The following ZFYVE16 variants were observed in gnomAD, a reference collection of about 807,000 sequenced individuals.
ZFYVE16 encodes the protein zinc finger FYVE domain-containing protein 16.
In ZFYVE16, 89 loss-of-function variants were observed where a neutral mutation model predicts 138.1. The observed-to-expected ratio is 0.64, with a 90% CI of 0.54 to 0.77. ZFYVE16 has a LOEUF of 0.77. Ranked by LOEUF, ZFYVE16 falls within the 30% of genes least tolerant of loss-of-function variation. ZFYVE16 has a pLI of 0.00. For missense variants in ZFYVE16, 1,793 were observed against 1,786.7 expected (o/e 1.00, Z -0.06); for synonymous variants, 596 against 618.3 (o/e 0.96, Z 0.53).
Position 80,477,158 on chromosome 5 carries a change from T to G in ZFYVE16, c.4462-61T>G, listed in dbSNP as rs1001931168. 16 of 1,345,206 alleles carry G rather than the reference T, an allele frequency of 1.2e-5. No homozygotes were observed. The African/African-American group carries it at 2.1e-4, about 17-fold the overall frequency. 83.3% of individuals were successfully genotyped at this position (1,345,206 alleles called of 1,614,324 possible). On this transcript the variant is annotated intron_variant, in intron 18 of 18. Transcript: ENST00000505560. ...TTTAAAATATTTCACTTATTTTATA[T>G]TCACATTCCGAGTTAAACAAGATTG...
rs1235506230 is a variant in ZFYVE16, at chr5:80,482,977, G to C, written c.*5600G>C. On this transcript the variant is annotated 3_prime_UTR_variant, in exon 19 of 19. Coordinates refer to ENST00000505560, the MANE Select transcript of ZFYVE16 (RefSeq NM_001284236.3). The stretch of plus-strand genomic sequence containing the variant: ...GCCTCCCGGTTCAAGCAGTTCTCCT[G>C]TCTGAGCCTCCAGAGGAGTAGCTGG... 2 of 151,882 alleles carry C rather than the reference G, an allele frequency of 1.3e-5. No individual in the cohort carries two copies. Among genetic ancestry groups the C allele is most frequent in the Admixed American group, 6.6e-5 (1 of 15,234 alleles). The allele number at this position is 151,882 out of a possible 1,614,324, so 9.4% of individuals were successfully genotyped here.
intron 15 of ZFYVE16, among the ~76,000 whole-genome samples, chr5:80,467,743 C>G (rs1197836730): frequency 6.6e-6 from 1 of 152,130 alleles, no homozygotes; most frequent in Non-Finnish European, 1.5e-5. Flanking sequence ...AAAATGTGGT[C>G]TATACCTGAA....
At chr5:80,408,274 G>A (rs1200827098) in intron 1 of ZFYVE16, 121 bp downstream of exon 1, 1 of 152,418 alleles carries the variant, frequency 6.6e-6, no homozygotes, top group Non-Finnish European at 1.5e-5. Flanking sequence ...TTCCTCTGGG[G>A]ACAGAGCCTG....
chr5:80,447,393 A>G (rs984743509), intron 7 of ZFYVE16, among the ~76,000 whole-genome samples: 1 of 152,160 alleles, frequency 6.6e-6, no homozygotes, highest in Non-Finnish European at 1.5e-5. Context: ...AAATAGCCGT[A>G]ATTACCATGG....
chr5:80,420,419 A>G (rs942886712), intron 1 of ZFYVE16, among the ~76,000 whole-genome samples: 1 of 152,070 alleles, frequency 6.6e-6, no homozygotes, highest in Non-Finnish European at 1.5e-5. Flanking sequence ...TACATTAGGT[A>G]TATCTCCTAA....
chr5:80,435,920 A>C (rs1749842579), intron 3 of ZFYVE16: 1 of 193,390 alleles, frequency 5.2e-6, no homozygotes, highest in Non-Finnish European at 1.1e-5. Flanking sequence ...ACTTTATGAT[A>C]TCTACATTCA....
chr5:80,449,701 A>T lies in ZFYVE16; in HGVS notation c.3214A>T (p.Lys1072Ter). The T allele has an allele frequency of 1.3e-6, 2 of 1,594,388 alleles. No homozygotes were observed. The highest frequency in any genetic ancestry group is 1.7e-6 in the Non-Finnish European group (2 of 1,173,594). Residue 1072 changes from lysine to a stop codon, truncating the protein, a stop_gained, in exon 9 of 19, where the codon AAA (lysine) becomes TAA (stop). Transcript: ENST00000505560. LOFTEE classifies it high-confidence loss of function. ...AAATGCTAATCTACTCGTGAATGTC[A>T]AATTCATATTTTGTAAGTAATAATT... ...VLNANLLVNV[K>*]FIFYSSDKYW...
chr5:80,462,617 C>T (rs1395574024), intron 15 of ZFYVE16, among the ~76,000 whole-genome samples: 1 of 152,156 alleles, frequency 6.6e-6, no homozygotes, highest in Non-Finnish European at 1.5e-5. Context: ...CTCACGTCCT[C>T]ACATTTCAAG....
intron 8 of ZFYVE16, among the ~76,000 whole-genome samples, chr5:80,449,194 G>A (rs901152243): frequency 6.6e-6 from 1 of 152,000 alleles, no homozygotes; most frequent in Admixed American, 6.6e-5. Flanking sequence ...ATATAGGCAT[G>A]TGGTAACAAG....
At position 80,472,689 on chromosome 5, in the gene ZFYVE16, A is replaced by C. The variant is rs1754503159; in HGVS notation, c.4025-72A>C. 4 of 1,411,002 alleles carry C rather than the reference A, an allele frequency of 2.8e-6. No individual in the cohort carries two copies. The South Asian group carries it at 6.0e-5, about 21-fold the overall frequency. The allele number at this position is 1,411,002 out of a possible 1,614,324, so 87.4% of individuals were successfully genotyped here. A position where few individuals can be genotyped will look rare whatever the true frequency, so the allele number is the denominator to read the frequency against. On this transcript the variant is annotated intron_variant, in intron 15 of 18. Coordinates refer to ENST00000505560, the MANE Select transcript of ZFYVE16 (RefSeq NM_001284236.3). ...TATCTTACACAGAACATATTTTGATAGCAAATTTTATGGCTTAGATATACA... is the reference window on the plus strand; with the variant it reads ...TATCTTACACAGAACATATTTTGATCGCAAATTTTATGGCTTAGATATACA...
intron 15 of ZFYVE16, among the ~76,000 whole-genome samples, chr5:80,462,478 T>C (rs551100436): frequency 6.6e-6 from 1 of 152,118 alleles, no homozygotes; most frequent in African/African-American, 2.4e-5. Flanking sequence ...CCATGATCCA[T>C]TTACCTCCAC....
rs574149504 is a variant in ZFYVE16, at chr5:80,435,412, G to A, written c.70+1195G>A. 1.1e-4 allele frequency among the ~76,000 whole-genome samples: 16 copies of A among 151,996 alleles called. No individual in the cohort carries two copies. In the South Asian group the frequency reaches 1.7e-3, roughly 16 times the overall value. ...TTAAACGCCTGGCCTCAGGTTATCCGCCTGTCTCAGCCTCCCAAAGTGCTG... is the reference window on the plus strand; with the variant it reads ...TTAAACGCCTGGCCTCAGGTTATCCACCTGTCTCAGCCTCCCAAAGTGCTG... On this transcript the variant is annotated intron_variant, in intron 3 of 18. Coordinates refer to ENST00000505560, the MANE Select transcript of ZFYVE16 (RefSeq NM_001284236.3).
chr5:80,436,853 C>G lies in ZFYVE16; in HGVS notation c.168C>G (p.Leu56=). The G allele has an allele frequency of 6.2e-7, 1 of 1,614,098 alleles. No homozygotes were observed. Among genetic ancestry groups the G allele is most frequent in the Non-Finnish European group, 8.5e-7 (1 of 1,180,006 alleles). The change falls in exon 4 of 19, where the codon CTC becomes CTG. Residue 56 remains leucine (L), a synonymous_variant. Transcript: ENST00000505560. ...ELASSQRTSL[L]PKDQECVNSC... is the part of the protein sequence containing the mutation. ...CTTCCTCACAGCGAACTTCATTGCT[C>G]CCAAAAGACCAAGAGTGCGTTAATA...
intron 15 of ZFYVE16, among the ~76,000 whole-genome samples, chr5:80,463,531 CT>C (rs139339515): frequency 0.021 from 3,188 of 152,290 alleles, 117 homozygotes; most frequent in African/African-American, 0.072. Flanking sequence ...TTGTGAAGGT[CT>C]CTGGTATGCC....
chr5:80,426,272 G>GTATATA (rs200176812), intron 1 of ZFYVE16, among the ~76,000 whole-genome samples: 20 of 26,464 alleles, frequency 7.6e-4, no homozygotes, highest in African/African-American at 1.1e-3. Flanking sequence ...GTGTGTGTGT[G>GTATATA]TATATATATA....
At chr5:80,420,754 A>C (rs1290379856) in intron 1 of ZFYVE16, among the ~76,000 whole-genome samples, 1 of 152,164 alleles carries the variant, frequency 6.6e-6, no homozygotes, top group Non-Finnish European at 1.5e-5. Context: ...CGCAATAAAC[A>C]TATGTGTGCA....
chr5:80,422,549 G>A (rs1211236961), intron 1 of ZFYVE16, among the ~76,000 whole-genome samples: 1 of 152,088 alleles, frequency 6.6e-6, no homozygotes, highest in Admixed American at 6.6e-5. Flanking sequence ...CCGCCTCCCG[G>A]ATTCAAGTGA....
Position 80,456,988 on chromosome 5 carries a change from T to C in ZFYVE16, c.3839T>C (p.Ile1280Thr), listed in dbSNP as rs1291608692. The C allele has an allele frequency of 6.2e-7, 1 of 1,609,868 alleles. No homozygotes were observed. Among genetic ancestry groups the C allele is most frequent in the Non-Finnish European group, 8.5e-7 (1 of 1,178,938 alleles). Reference protein sequence around the residue: ...LNSSNEHVISIGASFSTEADS... With the variant: ...LNSSNEHVISTGASFSTEADS... The stretch of plus-strand genomic sequence containing the variant: ...TCTTCCAATGAGCATGTCATTAGCA[T>C]TGGAGCAAGTTTCAGTACAGAAGCA... The change falls in exon 14 of 19, where the codon ATT becomes ACT. Residue 1280 changes from isoleucine (I) to threonine (T), a missense_variant. Ile to Thr is a moderately conservative substitution (Grantham distance 89, BLOSUM62 -1). This residue lies in a region of ZFYVE16 where 498 missense variants were observed against 582.4 expected (regional missense o/e 0.86). Transcript: ENST00000505560.
rs1403815113 is a variant in ZFYVE16 at position 80,432,592 on chromosome 5, A to T, written c.-39-1517A>T. Among the ~76,000 whole-genome samples the T allele has an allele frequency of 1.8e-4, 28 of 152,302 alleles. 1 individual carries two copies. In the South Asian group the frequency reaches 5.6e-3, roughly 30 times the overall value. On this transcript the variant is annotated intron_variant, in intron 2 of 18. Transcript: ENST00000505560. ...AAAGCCAAAATTGACAAATGGGATCAGATTAAACTAAAGAGCATCTGCACA... is the reference window on the plus strand; with the variant it reads ...AAAGCCAAAATTGACAAATGGGATCTGATTAAACTAAAGAGCATCTGCACA...
Sources: gnomAD v4.1 joint callset for allele counts (sites outside exome capture counted in the v4.1 genomes callset) on GRCh38, gnomAD v4.1.1 for gene constraint, gnomAD v4.1.1 regional missense constraint, MANE v1.5 for transcripts, NCBI Gene and HGNC (gene_info 2026-07-23, HGNC 2026-07-21) for gene names.